The following WDR27 variants were observed in gnomAD, a reference collection of about 807,000 sequenced individuals.
WDR27 encodes the protein WD repeat domain 27.
WDR27 carries 100 observed loss-of-function variants against 114.4 expected under a neutral mutation model. The ratio of observed to expected loss-of-function variants is 0.87; its 90% CI spans 0.74 to 1.03. The LOEUF is 1.03. WDR27 is among the 50% of genes least tolerant of loss of function. WDR27 has a pLI of 0.00. For missense variants in WDR27, 1,129 were observed against 1,092.9 expected (o/e 1.03, Z -0.47); for synonymous variants, 449 against 423.1 (o/e 1.06, Z -0.75).
At chr6:169,646,470 GGC>G (rs1820766625) in intron 16 of WDR27, among the ~76,000 whole-genome samples, 1 of 152,192 alleles carries the variant, frequency 6.6e-6, no homozygotes, top group African/African-American at 2.4e-5. Flanking sequence ...GATAGAGCTG[GGC>G]GCAGCGGCTC....
At chr6:169,526,876 A>G (rs1795026331) in intron 25 of WDR27, among the ~76,000 whole-genome samples, 2 of 152,236 alleles carry the variant, frequency 1.3e-5, no homozygotes, top group South Asian at 4.1e-4. Flanking sequence ...CAAAGAAGAT[A>G]TGCAGATAGC....
intron 25 of WDR27, among the ~76,000 whole-genome samples, chr6:169,484,351 A>G (rs184452029): frequency 1.3e-4 from 20 of 152,330 alleles, no homozygotes; most frequent in Admixed American, 3.9e-4. Context: ...ATCAACACAC[A>G]AATATCACTA....
chr6:169,606,376 T>C (rs1402138389), intron 22 of WDR27, among the ~76,000 whole-genome samples: 1 of 152,210 alleles, frequency 6.6e-6, no homozygotes, highest in Non-Finnish European at 1.5e-5. Flanking sequence ...ATAGGTAACA[T>C]GTGCTATGGT....
chr6:169,600,117 G>C (rs998554749), intron 23 of WDR27, among the ~76,000 whole-genome samples: 4 of 152,174 alleles, frequency 2.6e-5, no homozygotes, highest in Non-Finnish European at 5.9e-5. Flanking sequence ...TCGCACTGTG[G>C]TCTGAGAGAC....
At chr6:169,526,146 TA>T (rs1191087601) in intron 25 of WDR27, among the ~76,000 whole-genome samples, 1 of 152,162 alleles carries the variant, frequency 6.6e-6, no homozygotes, top group Non-Finnish European at 1.5e-5. Flanking sequence ...ATAGAAGAAC[TA>T]AGACCTAGTG....
the WDR27 span, among the ~76,000 whole-genome samples, chr6:169,434,606 T>C: frequency 6.6e-6 from 1 of 152,200 alleles, no homozygotes; most frequent in Admixed American, 6.5e-5. Flanking sequence ...CAAAGAGACC[T>C]GTGGCATTTT....
At chr6:169,633,583 T>C (rs1816957611) in intron 20 of WDR27, among the ~76,000 whole-genome samples, 1 of 152,088 alleles carries the variant, frequency 6.6e-6, no homozygotes, top group Non-Finnish European at 1.5e-5. Flanking sequence ...AATGTGTACA[T>C]TTAGGGCGCG....
chr6:169,508,701 GA>G (rs76662458), intron 25 of WDR27, among the ~76,000 whole-genome samples: 3,130 of 152,308 alleles, frequency 0.021, 69 homozygotes, highest in East Asian at 0.082. Flanking sequence ...CAAGAAATAT[GA>G]GGAGAAAAGG....
At chr6:169,562,432 A>G (rs1799800912) in intron 25 of WDR27, among the ~76,000 whole-genome samples, 1 of 152,270 alleles carries the variant, frequency 6.6e-6, no homozygotes, top group Non-Finnish European at 1.5e-5. Context: ...GAGAATTTCA[A>G]AAGTATTTTG....
At chr6:169,535,064 A>T (rs961778886) in intron 25 of WDR27, among the ~76,000 whole-genome samples, 15 of 152,242 alleles carry the variant, frequency 9.9e-5, no homozygotes, top group African/African-American at 3.6e-4. Context: ...GTGCAAAAAC[A>T]GCACCAATCC....
chr6:169,497,164 T>C (rs1424021427), intron 25 of WDR27, among the ~76,000 whole-genome samples: 4 of 152,000 alleles, frequency 2.6e-5, no homozygotes, highest in African/African-American at 9.7e-5. Flanking sequence ...CCAAGACCAT[T>C]AAATGGGGAA....
intron 25 of WDR27, among the ~76,000 whole-genome samples, chr6:169,470,544 T>G (rs572211957): frequency 1.3e-5 from 2 of 152,224 alleles, no homozygotes; most frequent in African/African-American, 2.4e-5. Context: ...GAGACCTAGA[T>G]GCCAGGATGG....
intron 23 of WDR27, among the ~76,000 whole-genome samples, chr6:169,599,536 G>C (rs963680173): frequency 6.6e-6 from 1 of 152,134 alleles, no homozygotes; most frequent in Non-Finnish European, 1.5e-5. Context: ...AGATTTTCTA[G>C]TTTATTTGCG....
intron 21 of WDR27, among the ~76,000 whole-genome samples, chr6:169,622,723 A>T (rs1357623399): frequency 3.9e-5 from 6 of 152,236 alleles, no homozygotes; most frequent in Non-Finnish European, 1.5e-5. Context: ...TCAGGAGAGC[A>T]CTGCAGTGTT....
At position 169,648,303 on chromosome 6, in the gene WDR27, G is replaced by A. The variant is rs150642007; in HGVS notation, c.1560-433C>T. Reference sequence around the variant, plus strand: ...GCCAATGCCTTCCGTGCACACGCCCGAGCCCTGGGTGGCATTTGGGGCCTC... The same window carrying A: ...GCCAATGCCTTCCGTGCACACGCCCAAGCCCTGGGTGGCATTTGGGGCCTC... On this transcript the variant is annotated intron_variant, in intron 15 of 25. Transcript: ENST00000448612. 2.3e-4 allele frequency among the ~76,000 whole-genome samples: 35 copies of A among 152,202 alleles called. No individual in the cohort carries two copies. In the South Asian group the frequency reaches 3.7e-3, roughly 16 times the overall value.
At chr6:169,656,523 C>T (rs919194561) in intron 13 of WDR27, among the ~76,000 whole-genome samples, 6 of 151,888 alleles carry the variant, frequency 4.0e-5, no homozygotes, top group African/African-American at 1.4e-4. Context: ...GGGGGGAAAG[C>T]ATGTGAGGCG....
intron 23 of WDR27, among the ~76,000 whole-genome samples, chr6:169,593,277 C>G (rs1265794197): frequency 1.3e-5 from 2 of 152,130 alleles, no homozygotes; most frequent in Admixed American, 6.5e-5. Context: ...ACAAGGAGTT[C>G]TTAGGAAACG....
chr6:169,466,137 C>T (rs188160594), intron 25 of WDR27, among the ~76,000 whole-genome samples: 17 of 152,266 alleles, frequency 1.1e-4, no homozygotes, highest in Middle Eastern at 3.4e-3. Context: ...TCTCTTGCCC[C>T]GTTTCTGTCC....
In WDR27 at chr6:169,531,552, GA is replaced by G. The variant is rs201217058; in HGVS notation, c.2645+40866del. On this transcript the variant is annotated intron_variant, in intron 25 of 25. Transcript: ENST00000448612. Reference sequence around the variant, plus strand: ...GAAGCACCCCAGCATCCAGCTCGCTGAGTGTTACCTGCTCTACTCATGGTCT... The same window carrying G: ...GAAGCACCCCAGCATCCAGCTCGCTGGTGTTACCTGCTCTACTCATGGTCT... Among the ~76,000 whole-genome samples, 658 of 152,236 alleles carry G rather than the reference GA, an allele frequency of 4.3e-3. 3 individuals are homozygous for G. The highest frequency in any genetic ancestry group is 0.015 in the African/African-American group (635 of 41,532).
Sources: allele counts gnomAD v4.1 joint callset (sites outside exome capture counted in the v4.1 genomes callset), GRCh38; gene constraint gnomAD v4.1.1; transcripts MANE v1.5; gene names NCBI Gene and HGNC (gene_info 2026-07-23, HGNC 2026-07-21).